Variants in CAST observed in about 807,000 individuals in gnomAD.
The protein encoded by CAST is calpastatin.
CAST carries 76 observed loss-of-function variants against 119.6 expected under a neutral mutation model. That is an observed-to-expected ratio of 0.64 (90% confidence interval 0.53 to 0.77). CAST has a LOEUF of 0.77. Among genes scored for constraint, CAST ranks in the 30% least tolerant of loss-of-function variants. The pLI, the probability that CAST is intolerant of heterozygous loss-of-function variation, is 0.00. For synonymous variants in CAST, 319 were observed against 331.6 expected, an observed-to-expected ratio of 0.96 and a Z score of 0.41; for missense variants, 953 against 946.5, an observed-to-expected ratio of 1.01 and a Z score of -0.09.
the CAST span, among the ~76,000 whole-genome samples, chr5:96,146,956 G>T: frequency 1.4e-4 from 21 of 152,118 alleles, no homozygotes; most frequent in Admixed American, 6.5e-5. Flanking sequence ...AAAGTCCATT[G>T]GTCAGAACTA....
chr5:96,717,961 A>G (rs536227459), intron 3 of CAST, among the ~76,000 whole-genome samples: 1 of 152,218 alleles, frequency 6.6e-6, no homozygotes, highest in Non-Finnish European at 1.5e-5. Context: ...GATGGAAACT[A>G]TTAAAAGGGG....
the CAST span, among the ~76,000 whole-genome samples, chr5:96,515,302 G>A: frequency 2.2e-4 from 7 of 31,840 alleles, no homozygotes; most frequent in African/African-American, 9.7e-4. Flanking sequence ...TTCCCACAAT[G>A]TTTGATTGTT....
chr5:96,727,441 T>C (rs1759466759), intron 5 of CAST, 48 bp from the exon 6 acceptor site: 1 of 1,025,566 alleles, frequency 9.8e-7, no homozygotes, highest in African/African-American at 1.6e-5. Context: ...ACTATGTCTA[T>C]CTTTCTTTTC....
the CAST span, among the ~76,000 whole-genome samples, chr5:96,518,954 G>A: frequency 1.5e-4 from 22 of 151,712 alleles, no homozygotes; most frequent in East Asian, 3.1e-3. Context: ...AACCCGGGAG[G>A]CAGAGGCTGA....
chr5:96,411,713 G>A, the CAST span, among the ~76,000 whole-genome samples: 1 of 152,146 alleles, frequency 6.6e-6, no homozygotes, highest in Non-Finnish European at 1.5e-5. Flanking sequence ...AAATGAGTAA[G>A]GAGAAAGAAA....
intron 1 of CAST, among the ~76,000 whole-genome samples, chr5:96,559,652 G>A (rs1182991314): frequency 2.0e-5 from 3 of 152,276 alleles, no homozygotes; most frequent in South Asian, 2.1e-4. Flanking sequence ...TACAAGGGAC[G>A]TAAAGGACCC....
chr5:96,517,615 A>T, the CAST span, among the ~76,000 whole-genome samples: 1 of 152,188 alleles, frequency 6.6e-6, no homozygotes, highest in Non-Finnish European at 1.5e-5. Context: ...AGGCTGGAGG[A>T]TGCTAAAGCA....
chr5:96,653,693 T>C (rs1468945083), intron 1 of CAST, among the ~76,000 whole-genome samples: 1 of 152,248 alleles, frequency 6.6e-6, no homozygotes, highest in Non-Finnish European at 1.5e-5. Flanking sequence ...CTTTATCTTG[T>C]ATCTTAACCC....
Position 96,574,537 on chromosome 5 carries a change from T to C in CAST, c.60+44657T>C, listed in dbSNP as rs187602859. Among the ~76,000 whole-genome samples, 42 of 152,354 alleles carry C rather than the reference T, an allele frequency of 2.8e-4. No homozygotes were observed. The Middle Eastern group carries it at 0.017, about 62-fold the overall frequency. On this transcript the variant is annotated intron_variant, in intron 1 of 11. Coordinates refer to the CAST transcript ENST00000505143. ...CTTTCACATAGCAATCGTTTTTATT[T>C]TGATGAAGTTCAATGCATCAATTTT...
chr5:96,692,079 T>A (rs1752789517), intron 2 of CAST, among the ~76,000 whole-genome samples: 1 of 152,204 alleles, frequency 6.6e-6, no homozygotes, highest in South Asian at 2.1e-4. Flanking sequence ...TGGTGCAATA[T>A]CATATAAAAA....
At chr5:96,047,936 C>T in the CAST span, among the ~76,000 whole-genome samples, 563 of 152,042 alleles carry the variant, frequency 3.7e-3, 1 homozygote, top group Non-Finnish European at 6.0e-3. Context: ...AGGGAGAAGG[C>T]ATGAAAAAGA....
the CAST span, among the ~76,000 whole-genome samples, chr5:96,055,096 C>T: frequency 6.6e-6 from 1 of 152,056 alleles, no homozygotes; most frequent in African/African-American, 2.4e-5. Context: ...TTCTCCTTAG[C>T]CTCTAAACCC....
the CAST span, among the ~76,000 whole-genome samples, chr5:96,290,292 T>G: frequency 2.0e-5 from 3 of 152,214 alleles, no homozygotes; most frequent in Non-Finnish European, 2.9e-5. Context: ...TGATGTACAC[T>G]AGTTACTGTT....
intron 2 of CAST, among the ~76,000 whole-genome samples, chr5:96,685,917 C>T (rs941784108): frequency 2.6e-5 from 4 of 152,198 alleles, no homozygotes; most frequent in Non-Finnish European, 4.4e-5. Context: ...TAGCATGGTG[C>T]GTAGCACACA....
rs1274330344 is a variant in CAST, at chr5:96,700,605, G to A, written c.210+4698G>A. Among the ~76,000 whole-genome samples, 4 of 152,198 alleles carry A rather than the reference G, an allele frequency of 2.6e-5. No individual in the cohort carries two copies. In the East Asian group the frequency reaches 7.7e-4, roughly 29 times the overall value. ...TGGCAACCACATTTTGAGTAGCCAG[G>A]AGACTGAATAGTGCAGAATGTGGGT... On this transcript the variant is annotated intron_variant, in intron 3 of 31. Coordinates refer to ENST00000675179, the MANE Select transcript of CAST (RefSeq NM_001750.7).
chr5:96,757,699 T>TC, intron 24 of CAST, 45 bp downstream of exon 24: 1 of 1,402,834 alleles, frequency 7.1e-7, no homozygotes, highest in Non-Finnish European at 9.9e-7. Context: ...TTTTTTTTTT[T>TC]TTTTCCTTTG....
the CAST span, among the ~76,000 whole-genome samples, chr5:96,113,020 C>A: frequency 6.6e-6 from 1 of 152,170 alleles, no homozygotes; most frequent in Non-Finnish European, 1.5e-5. Flanking sequence ...TGTTTAGAAT[C>A]CTCCTTGGTT....
At chr5:96,442,750 G>C in the CAST span, among the ~76,000 whole-genome samples, 1 of 152,138 alleles carries the variant, frequency 6.6e-6, no homozygotes, top group Non-Finnish European at 1.5e-5. Flanking sequence ...CGTAAGGAGC[G>C]CTGTGAAAAG....
the CAST span, among the ~76,000 whole-genome samples, chr5:96,185,339 G>C: frequency 6.6e-6 from 1 of 152,138 alleles, no homozygotes; most frequent in South Asian, 2.1e-4. Context: ...CTGTGCAGAA[G>C]CTCTTTAGTT....
Sources: gnomAD v4.1 joint callset for allele counts (sites outside exome capture counted in the v4.1 genomes callset) on GRCh38, gnomAD v4.1.1 for gene constraint, MANE v1.5 for transcripts, NCBI Gene and HGNC (gene_info 2026-07-23, HGNC 2026-07-21) for gene names.